FAT4: variants seen among roughly 807,000 people sequenced by gnomAD.
The protein encoded by FAT4 is protocadherin Fat 4.
A neutral mutation model predicts 303.9 loss-of-function variants in FAT4; 84 were observed. The ratio of observed to expected loss-of-function variants is 0.28; its 90% confidence interval spans 0.23 to 0.33. The LOEUF (loss-of-function observed/expected upper bound fraction) is 0.33. FAT4 is among the 10% of genes least tolerant of loss of function. The pLI is 1.00. For missense variants in FAT4, 6,005 were observed against 6,146.8 expected, an observed-to-expected ratio of 0.98 and a Z score of 0.77; for synonymous variants, 2,307 against 2,298.8, an observed-to-expected ratio of 1.00 and a Z score of -0.10.
chr4:125,414,360 A>T (rs1161170306), intron 5 of FAT4, among the ~76,000 whole-genome samples: 1 of 152,192 alleles, frequency 6.6e-6, no homozygotes, highest in African/African-American at 2.4e-5. Context: ...TAGAAACTTT[A>T]AATATGTTTA....
intron 16 of FAT4, among the ~76,000 whole-genome samples, chr4:125,482,313 T>C (rs998355397): frequency 6.6e-6 from 1 of 152,164 alleles, no homozygotes; most frequent in African/African-American, 2.4e-5. Context: ...TTTTAAATAA[T>C]CTTAAAAATT....
intron 3 of FAT4, among the ~76,000 whole-genome samples, chr4:125,400,397 C>T (rs1395969336): frequency 6.6e-6 from 1 of 151,878 alleles, no homozygotes; most frequent in African/African-American, 2.4e-5. Context: ...CAACACTCAC[C>T]CCTTTTAATA....
chr4:125,453,929 A>G (rs144519336), intron 10 of FAT4, among the ~76,000 whole-genome samples: 33 of 152,320 alleles, frequency 2.2e-4, no homozygotes, highest in African/African-American at 7.7e-4. Context: ...CCATGTCTAT[A>G]TCATTATTAT....
chr4:125,428,381 G>A (rs969120601), intron 7 of FAT4, among the ~76,000 whole-genome samples: 1 of 152,164 alleles, frequency 6.6e-6, no homozygotes, highest in Admixed American at 6.5e-5. Flanking sequence ...TAAAGGCAAT[G>A]CTAGTTATTA....
At chr4:125,411,404 C>T (rs1734835314) in intron 5 of FAT4, among the ~76,000 whole-genome samples, 1 of 151,894 alleles carries the variant, frequency 6.6e-6, no homozygotes, top group South Asian at 2.1e-4. Context: ...AAATTATTTA[C>T]ACTTTAAATA....
intron 2 of FAT4, among the ~76,000 whole-genome samples, chr4:125,368,921 T>G (rs1488872239): frequency 6.6e-6 from 1 of 152,138 alleles, no homozygotes; most frequent in East Asian, 1.9e-4. Flanking sequence ...CTGTACACCC[T>G]TTAGACTTCA....
chr4:125,350,975 A>ATTG (rs1316932814), intron 2 of FAT4, among the ~76,000 whole-genome samples: 1 of 151,616 alleles, frequency 6.6e-6, no homozygotes, highest in Non-Finnish European at 1.5e-5. Flanking sequence ...TATTATTATT[A>ATTG]TTGAATTAGA....
At chr4:125,384,510 A>T (rs1317209102) in intron 2 of FAT4, among the ~76,000 whole-genome samples, 3 of 151,994 alleles carry the variant, frequency 2.0e-5, no homozygotes, top group East Asian at 3.9e-4. Context: ...TGGGTTATTT[A>T]TTTTTATTAT....
At chr4:125,465,555 TGG>T (rs1232125389) in intron 11 of FAT4, among the ~76,000 whole-genome samples, 1 of 152,136 alleles carries the variant, frequency 6.6e-6, no homozygotes, top group African/African-American at 2.4e-5. Flanking sequence ...GTTGCAAATT[TGG>T]GGATTTAAGA....
chr4:125,342,790 T>C (rs964207777), intron 2 of FAT4, among the ~76,000 whole-genome samples: 1 of 151,942 alleles, frequency 6.6e-6, no homozygotes, highest in African/African-American at 2.4e-5. Flanking sequence ...AATGTTAAAA[T>C]GAGATAAAAA....
At chr4:125,382,944 A>G (rs1011414405) in intron 2 of FAT4, among the ~76,000 whole-genome samples, 1 of 152,174 alleles carries the variant, frequency 6.6e-6, no homozygotes, top group Non-Finnish European at 1.5e-5. Context: ...CTAGCTTCCA[A>G]CTTTTCTTCT....
chr4:125,414,716 C>A (rs904997192), intron 5 of FAT4, among the ~76,000 whole-genome samples, 168 bp from the exon 6 acceptor site: 1 of 151,964 alleles, frequency 6.6e-6, no homozygotes, highest in Non-Finnish European at 1.5e-5. Flanking sequence ...ATTTCAACAC[C>A]CTAGTAAATA....
At chr4:125,462,897 ATAT>A (rs1286830232) in intron 10 of FAT4, among the ~76,000 whole-genome samples, 1 of 151,954 alleles carries the variant, frequency 6.6e-6, no homozygotes, top group African/African-American at 2.4e-5. Flanking sequence ...CACTCACTCA[ATAT>A]TAGTTGATTC....
intron 2 of FAT4, among the ~76,000 whole-genome samples, chr4:125,333,190 T>C (rs1731451298): frequency 6.6e-6 from 1 of 152,008 alleles, no homozygotes; most frequent in African/African-American, 2.4e-5. Flanking sequence ...TTTAGCTTTC[T>C]AAAGGCCAAG....
At chr4:125,480,726 A>G (rs1578693050) in intron 15 of FAT4, among the ~76,000 whole-genome samples, 1 of 152,094 alleles carries the variant, frequency 6.6e-6, no homozygotes, top group African/African-American at 2.4e-5. Flanking sequence ...ATATACTGTC[A>G]TGTGATTTTC....
rs116133487 is a variant in FAT4 at position 125,397,800 on chromosome 4, A to T, written c.5176-984A>T. ...AAATCAGAATTATTTTGCTCTCCCC[A>T]CTTCCTTCAGATTCATCCTTATCAC... On this transcript the variant is annotated intron_variant, in intron 2 of 17. Transcript: ENST00000394329. 2.9e-4 allele frequency among the ~76,000 whole-genome samples: 44 copies of T among 152,126 alleles called. No homozygotes were observed. The Middle Eastern group carries it at 0.024, about 82-fold the overall frequency.
intron 7 of FAT4, among the ~76,000 whole-genome samples, chr4:125,432,996 C>A (rs1235624689): frequency 6.6e-6 from 1 of 152,108 alleles, no homozygotes; most frequent in Non-Finnish European, 1.5e-5. Context: ...TCCATAATTT[C>A]CCCATCTGTT....
intron 2 of FAT4, among the ~76,000 whole-genome samples, chr4:125,386,300 C>G (rs541581804): frequency 1.2e-4 from 18 of 152,046 alleles, no homozygotes; most frequent in Non-Finnish European, 2.2e-4. Flanking sequence ...TTTTTTGAGG[C>G]GGATTCTCAC....
chr4:125,430,685 C>G (rs1307992922), intron 7 of FAT4, among the ~76,000 whole-genome samples: 1 of 151,936 alleles, frequency 6.6e-6, no homozygotes, highest in East Asian at 1.9e-4. Context: ...AAGAGAACTC[C>G]AAGTGCTTAT....
Sources: allele counts gnomAD v4.1 joint callset (sites outside exome capture counted in the v4.1 genomes callset), GRCh38; gene constraint gnomAD v4.1.1; transcripts MANE v1.5; gene names NCBI Gene and HGNC (gene_info 2026-07-23, HGNC 2026-07-21).